Variants in NUCKS1 observed in about 807,000 individuals in gnomAD.
The protein encoded by NUCKS1 is nuclear casein kinase and cyclin dependent kinase substrate 1, also known as nuclear ubiquitous casein and cyclin-dependent kinase substrate 1.
In NUCKS1, 2 loss-of-function variants were observed where a neutral mutation model predicts 33.0. The observed-to-expected ratio is 0.06, with a 90% CI of 0.02 to 0.19. The LOEUF (loss-of-function observed/expected upper bound fraction) is 0.19. Among genes scored for constraint, NUCKS1 ranks in the 10% least tolerant of loss-of-function variants. The probability of loss-of-function intolerance (pLI) is 1.00; values close to 1 mark genes in which losing one functional copy is unlikely to be tolerated. For missense variants in NUCKS1, 201 were observed against 293.6 expected (o/e 0.68, Z 2.31); for synonymous variants, 106 against 102.8 (o/e 1.03, Z -0.19).
intron 1 of NUCKS1, among the ~76,000 whole-genome samples, chr1:205,749,601 G>A (rs1418520960): frequency 6.6e-6 from 1 of 152,026 alleles, no homozygotes; most frequent in Non-Finnish European, 1.5e-5. Flanking sequence ...GCTCCAAGGG[G>A]ACGGCCCCGA....
chr1:205,747,155 C>A (rs911035900), intron 1 of NUCKS1, among the ~76,000 whole-genome samples: 2 of 152,074 alleles, frequency 1.3e-5, no homozygotes, highest in African/African-American at 4.8e-5. Flanking sequence ...GAAGGTACAG[C>A]GATCATGCGG....
chr1:205,745,110 C>T (rs1654285985), intron 1 of NUCKS1, among the ~76,000 whole-genome samples: 1 of 152,158 alleles, frequency 6.6e-6, no homozygotes, highest in Non-Finnish European at 1.5e-5. Context: ...AATACACTCT[C>T]TGTAAAATCA....
At position 205,727,882 on chromosome 1, in the gene NUCKS1, A is replaced by C; in HGVS notation, c.68-77T>G. 3 of 965,214 alleles carry C rather than the reference A, an allele frequency of 3.1e-6. No individual in the cohort carries two copies. In the South Asian group the frequency reaches 4.2e-5, roughly 14 times the overall value. The allele number at this position is 965,214 out of a possible 1,614,324, so 59.8% of individuals were successfully genotyped here. On this transcript the variant is annotated intron_variant, in intron 2 of 6. Coordinates refer to ENST00000367142, the MANE Select transcript of NUCKS1 (RefSeq NM_022731.5). Reference sequence around the variant, plus strand: ...CACCACTATATTTACTGACATAATTATCTCTCATGCTGTTTAAATGGTGAG... The same window carrying C: ...CACCACTATATTTACTGACATAATTCTCTCTCATGCTGTTTAAATGGTGAG...
chr1:205,746,490 A>ACACACACACACAC (rs1558057646), intron 1 of NUCKS1, among the ~76,000 whole-genome samples: 3 of 67,706 alleles, frequency 4.4e-5, no homozygotes, highest in African/African-American at 1.3e-4. Flanking sequence ...CACACACACT[A>ACACACACACACAC]GAGAATAAGA....
At chr1:205,746,848 C>G (rs1654345044) in intron 1 of NUCKS1, among the ~76,000 whole-genome samples, 1 of 152,116 alleles carries the variant, frequency 6.6e-6, no homozygotes, top group Non-Finnish European at 1.5e-5. Flanking sequence ...AAGTGTTAAA[C>G]AAAAGGTATC....
At chr1:205,729,735 T>G in intron 1 of NUCKS1, 114 bp from the exon 2 acceptor site, 2 of 849,288 alleles carry the variant, frequency 2.4e-6, no homozygotes, top group Non-Finnish European at 3.9e-6. Context: ...TGAAAATTAT[T>G]TAATTGCTGG....
chr1:205,725,010 G>A lies in NUCKS1; in HGVS notation c.174-1029C>T, dbSNP rs115640250. ...TATGTCTTCATAAGTCTTAACTCCA[G>A]AATCTGGATTCTAGTATCCTATCTC... On this transcript the variant is annotated intron_variant, in intron 3 of 6. Transcript: ENST00000367142. Among the ~76,000 whole-genome samples, 274 of 152,278 alleles carry A rather than the reference G, an allele frequency of 1.8e-3. 1 individual carries two copies. The highest frequency in any genetic ancestry group is 6.1e-3 in the African/African-American group (255 of 41,552).
At chr1:205,746,047 G>A (rs1269974131) in intron 1 of NUCKS1, among the ~76,000 whole-genome samples, 1 of 152,190 alleles carries the variant, frequency 6.6e-6, no homozygotes, top group African/African-American at 2.4e-5. Context: ...TGTAATCCCA[G>A]CACTTTGGGA....
At chr1:205,745,903 G>A (rs1471699502) in intron 1 of NUCKS1, among the ~76,000 whole-genome samples, 1 of 152,126 alleles carries the variant, frequency 6.6e-6, no homozygotes, top group Non-Finnish European at 1.5e-5. Context: ...TGTTGAAAAT[G>A]AAAACATTTT....
At chr1:205,734,892 C>T (rs1177084299) in intron 1 of NUCKS1, among the ~76,000 whole-genome samples, 1 of 151,272 alleles carries the variant, frequency 6.6e-6, no homozygotes, top group Non-Finnish European at 1.5e-5. Context: ...AAGACTCCAT[C>T]TCAAAAAAAA....
At position 205,718,085 on chromosome 1, in the gene NUCKS1, TAAAAAAAAA is replaced by T. The variant is rs78311899; in HGVS notation, c.*186_*194del. 2.1e-5 allele frequency: 21 copies of T among 1,020,768 alleles called. No individual in the cohort carries two copies. Among genetic ancestry groups the T allele is most frequent in the Non-Finnish European group, 2.4e-5 (20 of 848,394 alleles). 63.2% of individuals were successfully genotyped at this position (1,020,768 alleles called of 1,614,324 possible). A position where few individuals can be genotyped will look rare whatever the true frequency, so the allele number is the denominator to read the frequency against. On this transcript the variant is annotated 3_prime_UTR_variant, in exon 7 of 7. Transcript: ENST00000367142. The stretch of plus-strand genomic sequence containing the variant: ...CACTTACACATACAATGGTTTGCTT[TAAAAAAAAA>T]AAAAAAAAAAGAGAGAGAGAGAGAA...
At chr1:205,747,980 A>G (rs1264633090) in intron 1 of NUCKS1, among the ~76,000 whole-genome samples, 2 of 152,132 alleles carry the variant, frequency 1.3e-5, no homozygotes, top group Non-Finnish European at 2.9e-5. Context: ...TGAAATTAAT[A>G]ATTTGAAAAT....
intron 1 of NUCKS1, among the ~76,000 whole-genome samples, chr1:205,748,244 CAGATG>C (rs1654380220): frequency 6.6e-6 from 1 of 152,006 alleles, no homozygotes; most frequent in Admixed American, 6.6e-5. Context: ...CAAATTCAGG[CAGATG>C]AGATAAGAAC....
chr1:205,723,984 A>T lies in NUCKS1; in HGVS notation c.174-3T>A. ...CATCTTTGTCTTCTGAGTCCTCACTATAAAGGGAGGCAAAAAAGCAAATGC... is the reference window on the plus strand; with the variant it reads ...CATCTTTGTCTTCTGAGTCCTCACTTTAAAGGGAGGCAAAAAAGCAAATGC... On this transcript the variant is annotated splice_region_variant and splice_polypyrimidine_tract_variant and intron_variant, in intron 3 of 6. Transcript: ENST00000367142. 1 of 1,609,916 alleles carries T rather than the reference A, an allele frequency of 6.2e-7. No homozygotes were observed.
intron 1 of NUCKS1, among the ~76,000 whole-genome samples, chr1:205,730,494 T>TC (rs1255109367): frequency 9.7e-5 from 14 of 143,798 alleles, no homozygotes; most frequent in African/African-American, 2.5e-4. Flanking sequence ...TTTCTCTCTC[T>TC]TTTTTTTTTT....
intron 1 of NUCKS1, among the ~76,000 whole-genome samples, chr1:205,744,352 G>C (rs1358703153): frequency 6.6e-6 from 1 of 152,098 alleles, no homozygotes; most frequent in Admixed American, 6.6e-5. Flanking sequence ...GATAACATAT[G>C]CCTTTAAGAG....
chr1:205,718,625 C>T, intron 6 of NUCKS1, 146 bp from the exon 7 acceptor site: 1 of 1,068,166 alleles, frequency 9.4e-7, no homozygotes, highest in Non-Finnish European at 1.3e-6. Flanking sequence ...CAAGGGAGCA[C>T]ATATATCCCT....
chr1:205,739,300 A>C (rs968501675), intron 1 of NUCKS1, among the ~76,000 whole-genome samples: 1 of 152,194 alleles, frequency 6.6e-6, no homozygotes, highest in Non-Finnish European at 1.5e-5. Context: ...TCTTCCAAAG[A>C]ACTGATGCAA....
chr1:205,740,397 T>C (rs1468659496), intron 1 of NUCKS1, among the ~76,000 whole-genome samples: 1 of 151,806 alleles, frequency 6.6e-6, no homozygotes, highest in African/African-American at 2.4e-5. Flanking sequence ...GATGGCAGGA[T>C]TGCTTGAGTC....
Sources: gnomAD v4.1 joint callset for allele counts (sites outside exome capture counted in the v4.1 genomes callset) on GRCh38, gnomAD v4.1.1 for gene constraint, MANE v1.5 for transcripts, NCBI Gene and HGNC (gene_info 2026-07-23, HGNC 2026-07-21) for gene names.